Variants in SLC71A2 observed in about 807,000 individuals in gnomAD.
SLC71A2 encodes the protein hippocampus abundant transcript-like 1.
the SLC71A2 span, among the ~76,000 whole-genome samples, chr9:94,452,393 TC>T: frequency 6.6e-6 from 1 of 152,058 alleles, no homozygotes; most frequent in Non-Finnish European, 1.5e-5. Flanking sequence ...GGTCAGGCGT[TC>T]CAGACCAGCT....
chr9:94,401,441 G>T, the SLC71A2 span, among the ~76,000 whole-genome samples: 1 of 151,986 alleles, frequency 6.6e-6, no homozygotes, highest in African/African-American at 2.4e-5. Context: ...CAAAGTCCTG[G>T]GATTACAGGC....
chr9:94,438,677 G>A, the SLC71A2 span: 1 of 675,892 alleles, frequency 1.5e-6, no homozygotes. Flanking sequence ...AACCAGTTTG[G>A]ACAGTTGTCA....
chr9:94,388,170 T>G, the SLC71A2 span, among the ~76,000 whole-genome samples: 1 of 152,178 alleles, frequency 6.6e-6, no homozygotes, highest in Non-Finnish European at 1.5e-5. Context: ...TTTTAAATTA[T>G]TAGTCAGCCA....
At chr9:94,430,540 A>G in the SLC71A2 span, among the ~76,000 whole-genome samples, 1 of 152,144 alleles carries the variant, frequency 6.6e-6, no homozygotes, top group Non-Finnish European at 1.5e-5. Context: ...TGTTTTTAGT[A>G]GTGGTGTTTC....
At chr9:94,388,657 CA>C in the SLC71A2 span, among the ~76,000 whole-genome samples, 6 of 151,778 alleles carry the variant, frequency 4.0e-5, no homozygotes, top group African/African-American at 1.5e-4. Flanking sequence ...ATTAAAAATA[CA>C]TTTATATATT....
the SLC71A2 span, among the ~76,000 whole-genome samples, chr9:94,408,075 C>G: frequency 6.6e-6 from 1 of 152,066 alleles, no homozygotes. Context: ...AAATTAAACT[C>G]AATCATAGGT....
the SLC71A2 span, among the ~76,000 whole-genome samples, chr9:94,393,136 T>TATAA: frequency 8.0e-6 from 1 of 125,098 alleles, no homozygotes; most frequent in East Asian, 2.3e-4. Flanking sequence ...AAGTTGCTGA[T>TATAA]ATTTACTGTG....
At chr9:94,460,859 T>A in the SLC71A2 span, 1 of 152,278 alleles carries the variant, frequency 6.6e-6, no homozygotes, top group South Asian at 2.1e-4. Flanking sequence ...ATCTTTTTAC[T>A]ATGCTATTGG....
the SLC71A2 span, among the ~76,000 whole-genome samples, chr9:94,379,236 G>A: frequency 6.6e-6 from 1 of 151,410 alleles, no homozygotes; most frequent in South Asian, 2.1e-4. Context: ...ACAGGCTTGT[G>A]CCACCATGCC....
the SLC71A2 span, among the ~76,000 whole-genome samples, chr9:94,427,976 G>T: frequency 1.7e-4 from 26 of 152,048 alleles, no homozygotes; most frequent in South Asian, 5.4e-3. Flanking sequence ...ACAAAAATTA[G>T]CTGGGCATGG....
chr9:94,451,760 TC>T, the SLC71A2 span, among the ~76,000 whole-genome samples: 39 of 152,350 alleles, frequency 2.6e-4, no homozygotes, highest in African/African-American at 8.4e-4. Context: ...GAGGTTATTT[TC>T]TTTTTTGAGG....
the SLC71A2 span, among the ~76,000 whole-genome samples, chr9:94,382,444 T>C: frequency 2.6e-5 from 4 of 152,020 alleles, no homozygotes; most frequent in South Asian, 4.1e-4. Context: ...TTTTGAGAAT[T>C]CGTTACATAT....
the SLC71A2 span, among the ~76,000 whole-genome samples, chr9:94,428,590 A>AC: frequency 0.02 from 2,377 of 116,012 alleles, 85 homozygotes; most frequent in African/African-American, 0.063. Context: ...ACATATGCAT[A>AC]CCCCCCCCCC....
chr9:94,448,107 T>TA, the SLC71A2 span, among the ~76,000 whole-genome samples: 77,102 of 151,954 alleles, frequency 0.51, 19,763 homozygotes, highest in Admixed American at 0.6. Context: ...TGTAATGTTT[T>TA]AATCTTTAAT....
the SLC71A2 span, chr9:94,458,592 T>C: frequency 3.4e-6 from 3 of 878,534 alleles, no homozygotes; most frequent in African/African-American, 1.7e-5. Flanking sequence ...CAATAAGTAT[T>C]GTGTTCATTG....
At chr9:94,389,297 ACT>A in the SLC71A2 span, among the ~76,000 whole-genome samples, 490 of 149,904 alleles carry the variant, frequency 3.3e-3, no homozygotes, top group Non-Finnish European at 5.3e-3. Context: ...ACAGAGTCTC[ACT>A]CTGTTGCCCA....
chr9:94,434,065 CT>C, the SLC71A2 span, among the ~76,000 whole-genome samples: 1 of 151,876 alleles, frequency 6.6e-6, no homozygotes, highest in Non-Finnish European at 1.5e-5. Context: ...GTTGAGAAAC[CT>C]TTTGTTGCTG....
chr9:94,388,571 T>C, the SLC71A2 span, among the ~76,000 whole-genome samples: 1 of 152,204 alleles, frequency 6.6e-6, no homozygotes, highest in Non-Finnish European at 1.5e-5. Context: ...TTAAAAGTGA[T>C]GAAATGACTA....
the SLC71A2 span, among the ~76,000 whole-genome samples, chr9:94,434,978 G>T: frequency 6.6e-6 from 1 of 151,994 alleles, no homozygotes; most frequent in Non-Finnish European, 1.5e-5. Context: ...TACCATTCTA[G>T]CTTACTCTAT....
Sources: allele counts gnomAD v4.1 joint callset (sites outside exome capture counted in the v4.1 genomes callset), GRCh38; gene constraint gnomAD v4.1.1; transcripts MANE v1.5; gene names NCBI Gene and HGNC (gene_info 2026-07-23, HGNC 2026-07-21).